Variants in LRPPRC observed in about 807,000 individuals in gnomAD.
LRPPRC encodes the protein leucine-rich PPR motif-containing protein, mitochondrial.
LRPPRC carries 120 observed loss-of-function variants against 180.3 expected under a neutral mutation model. That is an observed-to-expected ratio of 0.67 (90% CI 0.57 to 0.77). LRPPRC has a LOEUF of 0.77. Among genes scored for constraint, LRPPRC ranks in the 30% least tolerant of loss-of-function variants. The probability of loss-of-function intolerance (pLI) is 0.00; values close to 1 mark genes in which losing one functional copy is unlikely to be tolerated. For synonymous variants in LRPPRC, 723 were observed against 600.0 expected, an observed-to-expected ratio of 1.21 and a Z score of -3.00; for missense variants, 2,012 against 1,657.2, an observed-to-expected ratio of 1.21 and a Z score of -3.72.
At position 43,888,206 on chromosome 2, in the gene LRPPRC, G is replaced by C. The variant is rs1243811439; in HGVS notation, c.*394C>G. 1 of 245,742 alleles carries C rather than the reference G, an allele frequency of 4.1e-6. No individual in the cohort carries two copies. Among genetic ancestry groups the C allele is most frequent in the Non-Finnish European group, 7.9e-6 (1 of 126,026 alleles). 15.2% of individuals were successfully genotyped at this position (245,742 alleles called of 1,614,324 possible). On this transcript the variant is annotated 3_prime_UTR_variant, in exon 38 of 38. Transcript: ENST00000260665. Reference sequence around the variant, plus strand: ...CTGTATCACAGAATATTATGCGTTAGAAAGTTCACGGTCACTATACCTAGC... The same window carrying C: ...CTGTATCACAGAATATTATGCGTTACAAAGTTCACGGTCACTATACCTAGC...
At chr2:43,892,139 G>T (rs1372761278) in intron 36 of LRPPRC, among the ~76,000 whole-genome samples, 1 of 152,346 alleles carries the variant, frequency 6.6e-6, no homozygotes, top group East Asian at 1.9e-4. Context: ...TGATGCAGAA[G>T]CTACGGCAGG....
chr2:43,980,553 CAAA>C (rs145131663), intron 2 of LRPPRC, among the ~76,000 whole-genome samples: 5 of 85,052 alleles, frequency 5.9e-5, no homozygotes, highest in Non-Finnish European at 7.2e-5. Context: ...GACTCTGTTT[CAAA>C]AAAAAAAAAA....
At position 43,901,329 on chromosome 2, in the gene LRPPRC, T is replaced by A. The variant is rs1670878860; in HGVS notation, c.3560A>T (p.Gln1187Leu). 1 of 1,613,210 alleles carries A rather than the reference T, an allele frequency of 6.2e-7. No homozygotes were observed. The highest frequency in any genetic ancestry group is 1.7e-5 in the Admixed American group (1 of 60,006). The change falls in exon 32 of 38, where the codon CAA becomes CTA. Residue 1187 changes from glutamine to leucine, a missense_variant. Transcript: ENST00000260665. The part of the protein sequence containing the change: ...MVFINNIALA[Q>L]IKNNNIDAAI... ...GCTTGCAAATACTCACTTCTTTATTTGAGCCAAAGCAATGTTATTGATGAA... is the reference window on the plus strand; with the variant it reads ...GCTTGCAAATACTCACTTCTTTATTAGAGCCAAAGCAATGTTATTGATGAA...
At chr2:43,912,042 G>GT (rs1407489148) in intron 30 of LRPPRC, among the ~76,000 whole-genome samples, 2 of 152,144 alleles carry the variant, frequency 1.3e-5, no homozygotes, top group African/African-American at 4.8e-5. Flanking sequence ...GAACTTTTAA[G>GT]TAAGATTCAA....
intron 25 of LRPPRC, 32 bp from the exon 26 acceptor site, chr2:43,925,993 G>C: frequency 7.8e-7 from 1 of 1,282,748 alleles, no homozygotes; most frequent in Non-Finnish European, 1.1e-6. Context: ...TAGCACCCAA[G>C]GTAAGGCTTC....
At chr2:43,916,806 G>GT (rs962264156) in intron 29 of LRPPRC, among the ~76,000 whole-genome samples, 1 of 151,742 alleles carries the variant, frequency 6.6e-6, no homozygotes, top group Non-Finnish European at 1.5e-5. Flanking sequence ...TTGGCTGAGT[G>GT]TGGTGGTGTG....
At chr2:43,889,143 C>T (rs1670384346) in intron 37 of LRPPRC, among the ~76,000 whole-genome samples, 1 of 151,804 alleles carries the variant, frequency 6.6e-6, no homozygotes, top group Admixed American at 6.6e-5. Context: ...GGTGAAACCC[C>T]ATCTGTACTA....
chr2:43,948,330 T>A (rs1158347047), intron 17 of LRPPRC, 82 bp downstream of exon 17: 3 of 963,746 alleles, frequency 3.1e-6, no homozygotes, highest in African/African-American at 3.2e-5. Context: ...GTGGTCTGGT[T>A]GTACTTAAAA....
Position 43,995,929 on chromosome 2 carries a change from A to G in LRPPRC, c.19T>C (p.Ser7Pro), listed in dbSNP as rs1285024042. Residue 7 changes from serine (S) to proline (P), a missense_variant, in exon 1 of 38, where the codon TCC (serine) becomes CCC (proline). Coordinates refer to ENST00000260665, the MANE Select transcript of LRPPRC (RefSeq NM_133259.4). Reference protein sequence around the residue: MAALLRSARWLLRAGAA... With the variant: MAALLRPARWLLRAGAA... ...CCGGCACGCAGCAACCAACGCGCGGATCTCAGCAGGGCTGCCATTGCTCGA... is the reference window on the plus strand; with the variant it reads ...CCGGCACGCAGCAACCAACGCGCGGGTCTCAGCAGGGCTGCCATTGCTCGA... 2 of 1,521,028 alleles carry G rather than the reference A, an allele frequency of 1.3e-6. No homozygotes were observed. The highest frequency in any genetic ancestry group is 4.0e-5 in the Admixed American group (2 of 49,782). 94.2% of individuals were successfully genotyped at this position (1,521,028 alleles called of 1,614,324 possible). A position where few individuals can be genotyped will look rare whatever the true frequency, so the allele number is the denominator to read the frequency against.
intron 11 of LRPPRC, among the ~76,000 whole-genome samples, chr2:43,970,450 C>T (rs1673754667): frequency 6.6e-6 from 1 of 152,114 alleles, no homozygotes; most frequent in African/African-American, 2.4e-5. Flanking sequence ...ACTGATCTAT[C>T]TGAACAAATT....
At chr2:43,980,041 A>C (rs1559052303) in intron 2 of LRPPRC, 93 bp from the exon 3 acceptor site, 1 of 1,263,058 alleles carries the variant, frequency 7.9e-7, no homozygotes, top group Non-Finnish European at 1.1e-6. Flanking sequence ...TAAGCATTCA[A>C]AAATCTTCTG....
At chr2:43,893,238 A>T (rs925410482) in intron 36 of LRPPRC, among the ~76,000 whole-genome samples, 1 of 152,248 alleles carries the variant, frequency 6.6e-6, no homozygotes, top group Non-Finnish European at 1.5e-5. Context: ...AGATGACAAC[A>T]AAGGATTCAG....
intron 15 of LRPPRC, among the ~76,000 whole-genome samples, chr2:43,950,175 T>C (rs1359314670): frequency 6.6e-6 from 1 of 152,206 alleles, no homozygotes; most frequent in Non-Finnish European, 1.5e-5. Context: ...AAAAGGGGTC[T>C]AAAGATTAAA....
At chr2:43,990,313 C>G (rs936328770) in intron 1 of LRPPRC, among the ~76,000 whole-genome samples, 1 of 152,162 alleles carries the variant, frequency 6.6e-6, no homozygotes, top group Non-Finnish European at 1.5e-5. Flanking sequence ...AACACTCTCA[C>G]CAATCTTCTG....
At chr2:43,976,831 A>G (rs1017394917) in intron 5 of LRPPRC, among the ~76,000 whole-genome samples, 163 bp downstream of exon 5, 2 of 152,062 alleles carry the variant, frequency 1.3e-5, no homozygotes, top group Non-Finnish European at 2.9e-5. Flanking sequence ...TTACACGATA[A>G]TTTTATATTT....
chr2:43,900,622 C>T (rs374707395), intron 32 of LRPPRC, among the ~76,000 whole-genome samples: 54 of 152,138 alleles, frequency 3.5e-4, no homozygotes, highest in African/African-American at 1.0e-3. Context: ...CAAAACACAA[C>T]TGTTTCTCAA....
At chr2:43,915,250 A>T (rs1443022188) in intron 29 of LRPPRC, among the ~76,000 whole-genome samples, 4,156 of 127,136 alleles carry the variant, frequency 0.033, 101 homozygotes, top group South Asian at 0.051. Context: ...ACACACACAC[A>T]CACACACACA....
chr2:43,931,608 C>T (rs933601348), intron 25 of LRPPRC, among the ~76,000 whole-genome samples: 1 of 152,170 alleles, frequency 6.6e-6, no homozygotes, highest in South Asian at 2.1e-4. Context: ...AACACTGCTA[C>T]ACTCAAAATT....
Position 43,945,346 on chromosome 2 carries a change from T to C in LRPPRC, c.2282A>G (p.His761Arg), listed in dbSNP as rs775365237. Residue 761 changes from histidine (H) to arginine (R), a missense_variant, in exon 22 of 38, where the codon CAT (histidine) becomes CGT (arginine). Physicochemically the swap from His to Arg is conservative, Grantham distance 29. Transcript: ENST00000260665. ...YVGLVRVLAK[H>R]GKLQDAINIL... ...CTGAGGCTTACCTTGGAGCTTGCCA[T>C]GCTTTGCCAATACTCTTACAAGGCC... 5 of 1,611,354 alleles carry C rather than the reference T, an allele frequency of 3.1e-6. No individual in the cohort carries two copies. The highest frequency in any genetic ancestry group is 2.2e-5 in the East Asian group (1 of 44,872).
Sources: gnomAD v4.1 joint callset for allele counts (sites outside exome capture counted in the v4.1 genomes callset) on GRCh38, gnomAD v4.1.1 for gene constraint, MANE v1.5 for transcripts, NCBI Gene and HGNC (gene_info 2026-07-23, HGNC 2026-07-21) for gene names.